SCN10A: variants seen among roughly 807,000 people sequenced by gnomAD.
SCN10A encodes the protein sodium channel protein type 10 subunit alpha.
A neutral mutation model predicts 170.7 loss-of-function variants in SCN10A; 162 were observed. The observed-to-expected ratio is 0.95, with a 90% CI of 0.84 to 1.08. SCN10A has a LOEUF of 1.08. SCN10A is among the 50% of genes least tolerant of loss of function. SCN10A has a pLI of 0.00. For missense variants in SCN10A, 2,527 were observed against 2,436.9 expected, an observed-to-expected ratio of 1.04 and a Z score of -0.78; for synonymous variants, 985 against 904.6, an observed-to-expected ratio of 1.09 and a Z score of -1.59.
chr3:38,754,581 T>C (rs1477507685), intron 11 of SCN10A, among the ~76,000 whole-genome samples: 1 of 152,212 alleles, frequency 6.6e-6, no homozygotes, highest in Non-Finnish European at 1.5e-5. Context: ...GACATTTCCA[T>C]GGAAGCTGTG....
At chr3:38,742,866 G>T (rs1255125706) in intron 13 of SCN10A, among the ~76,000 whole-genome samples, 1 of 151,890 alleles carries the variant, frequency 6.6e-6, no homozygotes, top group Non-Finnish European at 1.5e-5. Flanking sequence ...CAATTCCTTT[G>T]CCCCTCTCCT....
intron 1 of SCN10A, among the ~76,000 whole-genome samples, chr3:38,813,486 T>C (rs2064453305): frequency 6.6e-6 from 1 of 152,228 alleles, no homozygotes; most frequent in East Asian, 1.9e-4. Flanking sequence ...AACCTTTTTG[T>C]GCATCCCCTG....
chr3:38,743,395 A>G (rs912051283), intron 13 of SCN10A, among the ~76,000 whole-genome samples: 2 of 152,062 alleles, frequency 1.3e-5, no homozygotes, highest in African/African-American at 4.8e-5. Context: ...GCAGGTAAAC[A>G]TGCTTTAATT....
chr3:38,761,226 G>C lies in SCN10A; in HGVS notation c.849C>G (p.Val283=), dbSNP rs2063866513. 6.2e-7 allele frequency: 1 copy of C among 1,613,650 alleles called. No homozygotes were observed. Residue 283 remains valine, a synonymous_variant, in exon 7 of 28, where the codon GTC becomes GTG. Transcript: ENST00000449082. ...GAGATGAGTAGTTGGTTGTCTCATTGACAGCCATGTCATTCTTGACACATT... is the reference window on the plus strand; with the variant it reads ...GAGATGAGTAGTTGGTTGTCTCATTCACAGCCATGTCATTCTTGACACATT... ...KNKCVKNDMA[V]NETTNYSSHR...
chr3:38,776,739 AG>A (rs2064080128), intron 4 of SCN10A, among the ~76,000 whole-genome samples: 1 of 152,118 alleles, frequency 6.6e-6, no homozygotes, highest in South Asian at 2.1e-4. Context: ...TGGAGTTCCC[AG>A]GGACAATTGA....
rs1228092020 is a variant in SCN10A at position 38,726,655 on chromosome 3, C to T, written c.3038G>A (p.Gly1013Asp). Residue 1013 changes from glycine to aspartate, a missense_variant, in exon 17 of 28, where the codon GGT (glycine) becomes GAT (aspartate). Transcript: ENST00000449082. ...ESDLDDLEDDGGEDAQSFQQE... is the reference protein window; with the variant it reads ...ESDLDDLEDDDGEDAQSFQQE... ...CTGGAAGCTCTGAGCATCTTCCCCACCATCATCCTCCAAGTCATCAAGATC... is the reference window on the plus strand; with the variant it reads ...CTGGAAGCTCTGAGCATCTTCCCCATCATCATCCTCCAAGTCATCAAGATC... 1 of 1,605,134 alleles carries T rather than the reference C, an allele frequency of 6.2e-7. No individual in the cohort carries two copies. The highest frequency in any genetic ancestry group is 1.7e-4 in the Middle Eastern group (1 of 6,034).
intron 21 of SCN10A, 96 bp downstream of exon 21, chr3:38,718,557 T>C (rs1272693726): frequency 7.5e-7 from 1 of 1,333,740 alleles, no homozygotes; most frequent in East Asian, 2.3e-5. Context: ...GGAGTAGCCC[T>C]TGAGGGCCAG....
At chr3:38,811,944 A>G (rs1392471697) in intron 1 of SCN10A, among the ~76,000 whole-genome samples, 3 of 152,184 alleles carry the variant, frequency 2.0e-5, no homozygotes, top group African/African-American at 2.4e-5. Context: ...GGATGTCCCG[A>G]GCCCCCTGCC....
chr3:38,720,557 A>G (rs1161005052), intron 20 of SCN10A, among the ~76,000 whole-genome samples: 1 of 152,144 alleles, frequency 6.6e-6, no homozygotes, highest in Non-Finnish European at 1.5e-5. Flanking sequence ...AAGGTACTCA[A>G]AGTGAAAGCC....
At chr3:38,708,388 C>T (rs1026094859) in intron 25 of SCN10A, among the ~76,000 whole-genome samples, 2 of 152,134 alleles carry the variant, frequency 1.3e-5, no homozygotes, top group Non-Finnish European at 2.9e-5. Flanking sequence ...TCAGTTTTCT[C>T]ATCTGTAAAA....
chr3:38,704,664 C>T (rs2063190954), intron 26 of SCN10A, among the ~76,000 whole-genome samples: 1 of 152,140 alleles, frequency 6.6e-6, no homozygotes, highest in African/African-American at 2.4e-5. Flanking sequence ...ATAAAATTTC[C>T]CAGTCTTGTG....
chr3:38,714,553 G>A (rs1006177010), intron 21 of SCN10A, among the ~76,000 whole-genome samples: 1 of 152,080 alleles, frequency 6.6e-6, no homozygotes, highest in Non-Finnish European at 1.5e-5. Flanking sequence ...GTTTGGGTGG[G>A]GTCTAATTCC....
At chr3:38,756,955 ACAGCCATG>A (rs1368995070) in intron 9 of SCN10A, 55 bp downstream of exon 9, 22 of 1,605,988 alleles carry the variant, frequency 1.4e-5, no homozygotes, top group Non-Finnish European at 1.7e-5. Flanking sequence ...CAGGAAAAGC[ACAGCCATG>A]CAGCTGACCC....
At chr3:38,747,084 G>T (rs1358579487) in intron 13 of SCN10A, among the ~76,000 whole-genome samples, 3 of 152,142 alleles carry the variant, frequency 2.0e-5, no homozygotes, top group African/African-American at 7.2e-5. Context: ...AAGATGATGT[G>T]CCCTATGCTC....
intron 4 of SCN10A, among the ~76,000 whole-genome samples, chr3:38,787,877 T>A (rs1190201949): frequency 1.3e-5 from 2 of 150,286 alleles, no homozygotes; most frequent in Admixed American, 1.3e-4. Context: ...CCATGTGTTC[T>A]CATTGTTCAA....
Position 38,750,121 on chromosome 3 carries a change from C to A in SCN10A, c.1819G>T (p.Ala607Ser), listed in dbSNP as rs139355449. Residue 607 changes from alanine (A) to serine (S), a missense_variant, in exon 13 of 28, where the codon GCC (alanine) becomes TCC (serine). By Grantham distance (99) the Ala-to-Ser change is moderately conservative. Coordinates refer to ENST00000449082, the MANE Select transcript of SCN10A (RefSeq NM_006514.4). ...CTGACAACACTCATTGCCCTTTGGG[C>A]CCGGAAAGGTTCATCTAAGTATTCT... ...SAEYLDEPFR[A>S]QRAMSVVSII... is the part of the protein sequence containing the mutation. The A allele has an allele frequency of 7.4e-6, 12 of 1,613,030 alleles. No individual in the cohort carries two copies. The African/African-American group carries it at 1.6e-4, about 22-fold the overall frequency.
intron 25 of SCN10A, among the ~76,000 whole-genome samples, chr3:38,707,770 A>G (rs896654096): frequency 1.3e-5 from 2 of 152,198 alleles, no homozygotes; most frequent in African/African-American, 4.8e-5. Context: ...CCCAGGGGGC[A>G]AGAGATTTCC....
At chr3:38,769,346 C>G (rs1379534817) in intron 5 of SCN10A, among the ~76,000 whole-genome samples, 1 of 148,942 alleles carries the variant, frequency 6.7e-6, no homozygotes, top group African/African-American at 2.5e-5. Flanking sequence ...TCAAGCAATT[C>G]TCCTGCCTCA....
chr3:38,752,219 C>T lies in SCN10A; in HGVS notation c.1755G>A (p.Ser585=), dbSNP rs755474416. ...GAGTCTGAAGCATTCACAAACTCAC[C>T]GAGACATCGACAGCTCCAGGGGCAA... ...SELAPGAVDV[S]AFDAGQKKTF... is the part of the protein sequence containing the mutation. The change falls in exon 12 of 28, where the codon TCG becomes TCA. Residue 585 remains serine (S), a splice_region_variant and synonymous_variant. Transcript: ENST00000449082. 24 of 1,510,028 alleles carry T rather than the reference C, an allele frequency of 1.6e-5. No individual in the cohort carries two copies. The highest frequency in any genetic ancestry group is 8.7e-5 in the Admixed American group (4 of 45,762). 93.5% of individuals were successfully genotyped at this position (1,510,028 alleles called of 1,614,324 possible). A position where few individuals can be genotyped will look rare whatever the true frequency, so the allele number is the denominator to read the frequency against.
Sources: allele counts gnomAD v4.1 joint callset (sites outside exome capture counted in the v4.1 genomes callset), GRCh38; gene constraint gnomAD v4.1.1; transcripts MANE v1.5; gene names NCBI Gene and HGNC (gene_info 2026-07-23, HGNC 2026-07-21).